Variants in MCTP1 observed in about 807,000 individuals in gnomAD.
The protein encoded by MCTP1 is multiple C2 and transmembrane domain-containing protein 1.
Under a neutral mutation model 120.6 loss-of-function variants are expected in MCTP1, and 69 were observed. That is an observed-to-expected ratio of 0.57 (90% CI 0.47 to 0.70). MCTP1 has a LOEUF of 0.70. MCTP1 is among the 30% of genes least tolerant of loss of function. The probability of loss-of-function intolerance (pLI) is 0.00; values close to 1 mark genes in which losing one functional copy is unlikely to be tolerated. For missense variants in MCTP1, 1,203 were observed against 1,248.8 expected, an observed-to-expected ratio of 0.96 and a Z score of 0.55; for synonymous variants, 529 against 493.1, an observed-to-expected ratio of 1.07 and a Z score of -0.96.
At chr5:94,766,664 A>G (rs1299131420) in intron 19 of MCTP1, among the ~76,000 whole-genome samples, 1 of 145,852 alleles carries the variant, frequency 6.9e-6, no homozygotes, top group Non-Finnish European at 1.5e-5. Context: ...TAGAACTTAA[A>G]GTATAGTTAA....
intron 11 of MCTP1, among the ~76,000 whole-genome samples, chr5:94,892,153 C>T (rs1802819249): frequency 6.6e-6 from 1 of 152,162 alleles, no homozygotes. Flanking sequence ...CAGCTTGTCA[C>T]CGTGACGTCT....
At chr5:95,188,933 C>T (rs1222099834) in intron 1 of MCTP1, among the ~76,000 whole-genome samples, 1 of 152,076 alleles carries the variant, frequency 6.6e-6, no homozygotes, top group African/African-American at 2.4e-5. Context: ...CTGGAGAAAA[C>T]TGAATAAAGG....
At chr5:94,839,919 T>C (rs1193018588) in intron 17 of MCTP1, among the ~76,000 whole-genome samples, 3 of 152,190 alleles carry the variant, frequency 2.0e-5, no homozygotes, top group Admixed American at 6.5e-5. Context: ...TTTGCCTTAA[T>C]TGAAAGAAAC....
intron 19 of MCTP1, among the ~76,000 whole-genome samples, chr5:94,749,511 C>T (rs185266315): frequency 2.5e-4 from 38 of 152,026 alleles, no homozygotes; most frequent in Admixed American, 7.9e-4. Flanking sequence ...AAAAATTAGC[C>T]GGGCATGCTG....
At chr5:94,812,497 A>C (rs1783643344) in intron 17 of MCTP1, among the ~76,000 whole-genome samples, 2 of 89,478 alleles carry the variant, frequency 2.2e-5, no homozygotes, top group Admixed American at 2.4e-4. Context: ...AAAACAAAAC[A>C]AAAAAAAAAC....
rs1472192276 is a variant in MCTP1 at position 94,704,683 on chromosome 5, T to C, written c.*2813A>G. 1 of 151,280 alleles carries C rather than the reference T, an allele frequency of 6.6e-6. No homozygotes were observed. The highest frequency in any genetic ancestry group is 1.5e-5 in the Non-Finnish European group (1 of 67,578). The allele number at this position is 151,280 out of a possible 1,614,324, so 9.4% of individuals were successfully genotyped here. On this transcript the variant is annotated 3_prime_UTR_variant, in exon 23 of 23. Coordinates refer to ENST00000515393, the MANE Select transcript of MCTP1 (RefSeq NM_024717.7). ...TATACAATCATTGGTTTGACCGTTG[T>C]CTATAACAGGGTCATACAGTTGGTA...
chr5:94,743,803 AATTTTTTGTAT>A (rs1228038140), intron 19 of MCTP1, among the ~76,000 whole-genome samples: 1 of 151,626 alleles, frequency 6.6e-6, no homozygotes, highest in Non-Finnish European at 1.5e-5. Flanking sequence ...ACACCCGGCT[AATTTTTTGTAT>A]ATTTTTAGTA....
chr5:95,056,137 T>C (rs1747333399), intron 1 of MCTP1, among the ~76,000 whole-genome samples: 1 of 152,232 alleles, frequency 6.6e-6, no homozygotes, highest in African/African-American at 2.4e-5. Context: ...GAATACTTTA[T>C]AAAATTGTGA....
At chr5:94,750,999 T>C (rs983767859) in intron 19 of MCTP1, among the ~76,000 whole-genome samples, 1 of 152,138 alleles carries the variant, frequency 6.6e-6, no homozygotes, top group Non-Finnish European at 1.5e-5. Flanking sequence ...GGAAAGAGAA[T>C]TGTGGACTTT....
chr5:94,877,917 G>A (rs540078512), intron 12 of MCTP1: 1 of 152,204 alleles, frequency 6.6e-6, no homozygotes, highest in East Asian at 1.9e-4. Flanking sequence ...TGCTGGATGT[G>A]ATGTGTTATA....
chr5:95,093,814 T>C (rs1037793442), intron 1 of MCTP1, among the ~76,000 whole-genome samples: 8 of 152,174 alleles, frequency 5.3e-5, no homozygotes, highest in Admixed American at 1.3e-4. Flanking sequence ...AGTGAGGCTA[T>C]GTGATTTCTG....
chr5:95,250,474 T>G (rs1757276368), intron 1 of MCTP1, among the ~76,000 whole-genome samples: 1 of 152,200 alleles, frequency 6.6e-6, no homozygotes, highest in African/African-American at 2.4e-5. Flanking sequence ...TTTCAGACCC[T>G]TCACAGTTTT....
chr5:94,779,666 T>G (rs1776165507), intron 18 of MCTP1, among the ~76,000 whole-genome samples: 1 of 152,204 alleles, frequency 6.6e-6, no homozygotes, highest in Admixed American at 6.5e-5. Context: ...TTTTAATTCT[T>G]ATGTATAAAT....
At chr5:95,081,114 G>A (rs906101738) in intron 1 of MCTP1, among the ~76,000 whole-genome samples, 4 of 151,776 alleles carry the variant, frequency 2.6e-5, no homozygotes, top group African/African-American at 9.7e-5. Flanking sequence ...TAAGAACCTG[G>A]TAACTACTAA....
chr5:95,118,334 T>G (rs137926207), intron 1 of MCTP1, among the ~76,000 whole-genome samples: 11 of 152,144 alleles, frequency 7.2e-5, no homozygotes, highest in African/African-American at 2.7e-4. Flanking sequence ...TAAAGGGTTA[T>G]AAGACAGTAT....
intron 19 of MCTP1, among the ~76,000 whole-genome samples, chr5:94,742,242 A>T (rs944667550): frequency 4.6e-5 from 7 of 152,028 alleles, no homozygotes; most frequent in African/African-American, 1.2e-4. Flanking sequence ...TCTTATAGAG[A>T]TGCGGTTTTG....
chr5:94,893,305 G>T (rs1803123449), intron 11 of MCTP1, among the ~76,000 whole-genome samples: 1 of 152,114 alleles, frequency 6.6e-6, no homozygotes, highest in Non-Finnish European at 1.5e-5. Context: ...ATAGTATAAT[G>T]CCTAGAAGAA....
intron 19 of MCTP1, among the ~76,000 whole-genome samples, chr5:94,737,969 G>A (rs1266009336): frequency 6.6e-6 from 1 of 152,128 alleles, no homozygotes; most frequent in Non-Finnish European, 1.5e-5. Flanking sequence ...GTGAGCCACC[G>A]CACCCGGCCA....
intron 17 of MCTP1, among the ~76,000 whole-genome samples, chr5:94,820,564 C>G (rs1251000998): frequency 6.6e-6 from 1 of 151,838 alleles, no homozygotes; most frequent in Non-Finnish European, 1.5e-5. Context: ...GGCGAGGTGG[C>G]ATTTTACAGA....
Sources: gnomAD v4.1 joint callset for allele counts (sites outside exome capture counted in the v4.1 genomes callset) on GRCh38, gnomAD v4.1.1 for gene constraint, MANE v1.5 for transcripts, NCBI Gene and HGNC (gene_info 2026-07-23, HGNC 2026-07-21) for gene names.